PINX1: variants seen among roughly 807,000 people sequenced by gnomAD.
PINX1 encodes PIN2/TERF1-interacting telomerase inhibitor 1.
In PINX1, 34 loss-of-function variants were observed where a neutral mutation model predicts 25.4. That is an observed-to-expected ratio of 1.34 (90% confidence interval 1.02 to 1.78). The LOEUF (loss-of-function observed/expected upper bound fraction) is 1.78, where lower values mean the gene tolerates loss of function less well. Among genes scored for constraint, PINX1 ranks in the 40% most tolerant of loss-of-function variants. The pLI is 0.00. For missense variants in PINX1, 592 were observed against 404.9 expected (o/e 1.46, Z -3.97); for synonymous variants, 197 against 147.7 (o/e 1.33, Z -2.42).
At chr8:10,776,701 G>A (rs1443854905) in intron 6 of PINX1, among the ~76,000 whole-genome samples, 2 of 152,086 alleles carry the variant, frequency 1.3e-5, no homozygotes, top group Admixed American at 1.3e-4. Flanking sequence ...TGCGTCGTAA[G>A]GTCAGGAAGG....
chr8:10,834,863 TTATG>T (rs1212891574), intron 1 of PINX1, 88 bp from the exon 2 acceptor site: 37 of 842,002 alleles, frequency 4.4e-5, no homozygotes, highest in Middle Eastern at 4.4e-4. Flanking sequence ...TTTGTGTATT[TTATG>T]TATGTATGTA....
intron 6 of PINX1, among the ~76,000 whole-genome samples, chr8:10,768,939 CAAT>C (rs1451373208): frequency 3.9e-5 from 6 of 152,244 alleles, no homozygotes; most frequent in South Asian, 2.1e-4. Flanking sequence ...TTTGAAATGA[CAAT>C]AACTTGCATT....
At chr8:10,804,126 G>A (rs961529462) in intron 6 of PINX1, among the ~76,000 whole-genome samples, 2 of 152,194 alleles carry the variant, frequency 1.3e-5, no homozygotes, top group Non-Finnish European at 2.9e-5. Flanking sequence ...ACACACTGTT[G>A]AAAGGACAGC....
intron 1 of PINX1, among the ~76,000 whole-genome samples, chr8:10,835,412 A>G (rs1378182774): frequency 6.6e-6 from 1 of 152,156 alleles, no homozygotes; most frequent in Non-Finnish European, 1.5e-5. Context: ...CTAACTTCAA[A>G]GCTTATATTC....
chr8:10,770,571 C>G (rs1281720994), intron 6 of PINX1, among the ~76,000 whole-genome samples: 2 of 152,220 alleles, frequency 1.3e-5, no homozygotes, highest in Non-Finnish European at 2.9e-5. Flanking sequence ...GCAAGATCCT[C>G]TGGGCTCATG....
At chr8:10,796,970 T>C (rs1383206299) in intron 6 of PINX1, among the ~76,000 whole-genome samples, 1 of 151,992 alleles carries the variant, frequency 6.6e-6, no homozygotes, top group Non-Finnish European at 1.5e-5. Flanking sequence ...GAACACATTT[T>C]GGGAAACTCT....
chr8:10,802,354 T>C (rs1199166970), intron 6 of PINX1, among the ~76,000 whole-genome samples: 1 of 152,138 alleles, frequency 6.6e-6, no homozygotes, highest in Admixed American at 6.5e-5. Flanking sequence ...TGACATTCCC[T>C]TGGAGCACTT....
chr8:10,838,622 G>A (rs1006658808), intron 1 of PINX1, among the ~76,000 whole-genome samples: 42 of 152,252 alleles, frequency 2.8e-4, no homozygotes, highest in African/African-American at 9.1e-4. Context: ...CAAAGAATAC[G>A]AAAACCAGAA....
chr8:10,812,174 T>C (rs1386297451), intron 6 of PINX1, among the ~76,000 whole-genome samples: 2 of 152,224 alleles, frequency 1.3e-5, no homozygotes, highest in Non-Finnish European at 2.9e-5. Flanking sequence ...GTCTATTTGA[T>C]CTCTTGTTTG....
chr8:10,779,072 G>T (rs1306889198), intron 6 of PINX1, among the ~76,000 whole-genome samples: 1 of 152,186 alleles, frequency 6.6e-6, no homozygotes, highest in East Asian at 1.9e-4. Context: ...TGGAATGGAG[G>T]GTAGCGGAGA....
chr8:10,834,803 C>T (rs1177683578), intron 1 of PINX1, 28 bp from the exon 2 acceptor site: 1 of 1,522,964 alleles, frequency 6.6e-7, no homozygotes, highest in Admixed American at 1.7e-5. Context: ...TTATCATCAG[C>T]AATGGAGATG....
chr8:10,792,804 G>T (rs991594483), intron 6 of PINX1, among the ~76,000 whole-genome samples: 7 of 152,148 alleles, frequency 4.6e-5, no homozygotes, highest in African/African-American at 1.4e-4. Context: ...ATTCCTCATG[G>T]CATAGCTGTC....
At chr8:10,766,642 A>G (rs1801058304) in intron 6 of PINX1, among the ~76,000 whole-genome samples, 1 of 152,094 alleles carries the variant, frequency 6.6e-6, no homozygotes, top group South Asian at 2.1e-4. Flanking sequence ...CCTAACAAAA[A>G]CTGTATACTC....
intron 6 of PINX1, among the ~76,000 whole-genome samples, chr8:10,811,044 C>T (rs567163500): frequency 2.2e-4 from 34 of 152,312 alleles, no homozygotes; most frequent in African/African-American, 7.9e-4. Flanking sequence ...CTGACTGTGA[C>T]GACAGTGGTC....
intron 6 of PINX1, among the ~76,000 whole-genome samples, chr8:10,803,509 C>T (rs1223362282): frequency 2.0e-5 from 3 of 152,154 alleles, no homozygotes; most frequent in African/African-American, 7.2e-5. Flanking sequence ...TTTTTTCATT[C>T]CACTGACTTA....
intron 6 of PINX1, among the ~76,000 whole-genome samples, chr8:10,802,606 T>C (rs1458627961): frequency 1.3e-5 from 2 of 152,186 alleles, no homozygotes; most frequent in East Asian, 3.8e-4. Context: ...TGCTTGCTAC[T>C]CTCAACCTTG....
At chr8:10,814,331 T>C (rs1456604335) in intron 6 of PINX1, among the ~76,000 whole-genome samples, 2 of 152,214 alleles carry the variant, frequency 1.3e-5, no homozygotes, top group Non-Finnish European at 2.9e-5. Flanking sequence ...CAAGTACTTC[T>C]GAATAGCCGG....
At chr8:10,785,785 A>T (rs7836194) in intron 6 of PINX1, among the ~76,000 whole-genome samples, 7,165 of 152,360 alleles carry the variant, frequency 0.047, 504 homozygotes, top group East Asian at 0.3. Flanking sequence ...GTATACCAAC[A>T]TATACGTGTG....
chr8:10,798,623 T>C (rs1376045944), intron 6 of PINX1, among the ~76,000 whole-genome samples: 7 of 152,250 alleles, frequency 4.6e-5, no homozygotes, highest in Non-Finnish European at 1.0e-4. Flanking sequence ...GGAAAGTCTC[T>C]TGGCAGTAAG....
Sources: allele counts gnomAD v4.1 joint callset (sites outside exome capture counted in the v4.1 genomes callset), GRCh38; gene constraint gnomAD v4.1.1; transcripts MANE v1.5; gene names NCBI Gene and HGNC (gene_info 2026-07-23, HGNC 2026-07-21).